NEBL: variants seen among roughly 807,000 people sequenced by gnomAD.
The protein encoded by NEBL is LIM and SH3 protein 2.
A neutral mutation model predicts 140.2 loss-of-function variants in NEBL; 122 were observed. The observed-to-expected ratio is 0.87, with a 90% CI of 0.75 to 1.01. The LOEUF is 1.01. Among genes scored for constraint, NEBL ranks in the 50% least tolerant of loss-of-function variants. NEBL has a pLI of 0.00. For synonymous variants in NEBL, 436 were observed against 398.9 expected (o/e 1.09, Z -1.11); for missense variants, 1,365 against 1,231.3 (o/e 1.11, Z -1.62).
intron 26 of NEBL, among the ~76,000 whole-genome samples, chr10:20,792,735 G>A (rs943971202): frequency 5.9e-5 from 9 of 152,008 alleles, no homozygotes; most frequent in African/African-American, 2.2e-4. Context: ...GTGAAGAGGA[G>A]GTTGCAGTGA....
At chr10:20,894,796 G>A (rs1355676931) in intron 2 of NEBL, among the ~76,000 whole-genome samples, 1 of 150,618 alleles carries the variant, frequency 6.6e-6, no homozygotes, top group Non-Finnish European at 1.5e-5. Context: ...GGGCTTAGTG[G>A]CAGGCGCCTG....
intron 3 of NEBL, among the ~76,000 whole-genome samples, chr10:20,964,937 GC>G (rs1836229231): frequency 6.6e-6 from 1 of 152,138 alleles, no homozygotes; most frequent in Non-Finnish European, 1.5e-5. Flanking sequence ...AACATAACCA[GC>G]CCCCGTGTCC....
chr10:21,142,644 CAG>C (rs1839687523), intron 2 of NEBL, among the ~76,000 whole-genome samples: 1 of 152,138 alleles, frequency 6.6e-6, no homozygotes, highest in African/African-American at 2.4e-5. Flanking sequence ...TGCCTGAAAA[CAG>C]GAGATAGACT....
intron 16 of NEBL, among the ~76,000 whole-genome samples, chr10:20,829,410 G>A (rs1196270353): frequency 6.8e-6 from 1 of 148,044 alleles, no homozygotes; most frequent in East Asian, 2.0e-4. Context: ...CACAGGAAGG[G>A]GAACATCACA....
In NEBL at chr10:20,782,165, A is replaced by C. The variant is rs1272567829; in HGVS notation, c.*3582T>G. 1 of 152,598 alleles carries C rather than the reference A, an allele frequency of 6.6e-6. No individual in the cohort carries two copies. 9.5% of individuals were successfully genotyped at this position (152,598 alleles called of 1,614,324 possible). A position where few individuals can be genotyped will look rare whatever the true frequency, so the allele number is the denominator to read the frequency against. On this transcript the variant is annotated 3_prime_UTR_variant, in exon 28 of 28. Transcript: ENST00000377122. ...CAGCTAACACCTTTAATATCTGAGG[A>C]GCATCCCACTTCCCTACCACAAAAA...
intron 1 of NEBL, among the ~76,000 whole-genome samples, chr10:21,269,369 G>C (rs1011590040): frequency 6.6e-6 from 1 of 152,216 alleles, no homozygotes; most frequent in African/African-American, 2.4e-5. Context: ...GATGAAGGCA[G>C]ATTCGTAGAG....
At chr10:21,070,861 A>T (rs1025138869) in intron 2 of NEBL, among the ~76,000 whole-genome samples, 1 of 152,166 alleles carries the variant, frequency 6.6e-6, no homozygotes, top group African/African-American at 2.4e-5. Context: ...TTTATTGTAC[A>T]CATGAACAAA....
chr10:20,939,845 T>C (rs186015633), intron 4 of NEBL, among the ~76,000 whole-genome samples: 2 of 152,304 alleles, frequency 1.3e-5, no homozygotes, highest in Non-Finnish European at 2.9e-5. Context: ...AGAAGGCCAT[T>C]ACATAATGGT....
chr10:21,063,890 AATAAAT>A (rs71392111), intron 2 of NEBL, among the ~76,000 whole-genome samples: 7 of 148,938 alleles, frequency 4.7e-5, no homozygotes, highest in Non-Finnish European at 8.9e-5. Flanking sequence ...TAAACAAATA[AATAAAT>A]ATAAATATAA....
At chr10:21,030,268 C>T in intron 2 of NEBL, 1 of 614,424 alleles carries the variant, frequency 1.6e-6, no homozygotes, top group East Asian at 4.4e-5. Context: ...GGCACCCAAG[C>T]TGGCGAAGTG....
At chr10:20,902,126 G>A (rs530910673), upstream of NEBL, among the ~76,000 whole-genome samples, 4 of 152,178 alleles carry the variant, frequency 2.6e-5, no homozygotes, top group South Asian at 2.1e-4. Context: ...TAAGGTGGCC[G>A]GGCGCGGTGG....
chr10:21,127,788 T>C (rs924111066), intron 2 of NEBL, among the ~76,000 whole-genome samples: 2 of 152,140 alleles, frequency 1.3e-5, no homozygotes, highest in Non-Finnish European at 2.9e-5. Context: ...AATTTAAAAA[T>C]ATTTAAGAGA....
At chr10:21,028,901 T>C in intron 2 of NEBL, 1 of 432,172 alleles carries the variant, frequency 2.3e-6, no homozygotes, top group Non-Finnish European at 4.1e-6. Context: ...AGCTAAAAGA[T>C]TGATATTGTC....
chr10:20,892,185 C>T (rs193079542), intron 2 of NEBL, among the ~76,000 whole-genome samples: 80 of 152,222 alleles, frequency 5.3e-4, no homozygotes, highest in Non-Finnish European at 1.0e-3. Flanking sequence ...TGATCTAAAC[C>T]AGGCATGGTC....
intron 16 of NEBL, among the ~76,000 whole-genome samples, chr10:20,829,631 G>T (rs1288306502): frequency 6.6e-6 from 1 of 151,894 alleles, no homozygotes; most frequent in African/African-American, 2.4e-5. Flanking sequence ...TATTCATGTT[G>T]AAATGCACCA....
chr10:20,971,765 C>A (rs376853655), intron 3 of NEBL, among the ~76,000 whole-genome samples: 1 of 151,984 alleles, frequency 6.6e-6, no homozygotes, highest in Admixed American at 6.6e-5. Flanking sequence ...AGGCGCCCAC[C>A]ACCACACCCA....
chr10:21,269,961 C>G (rs1288316979), intron 1 of NEBL, among the ~76,000 whole-genome samples: 4 of 152,178 alleles, frequency 2.6e-5, no homozygotes, highest in Admixed American at 1.3e-4. Flanking sequence ...TTGAGGAGTT[C>G]TTTGTTTGTT....
chr10:20,959,574 T>C (rs757378886), intron 4 of NEBL, among the ~76,000 whole-genome samples: 3 of 152,172 alleles, frequency 2.0e-5, no homozygotes, highest in Non-Finnish European at 2.9e-5. Flanking sequence ...AAAAAGTTCA[T>C]GAAGTTGCAG....
chr10:20,940,168 T>A (rs1834772663), intron 4 of NEBL, among the ~76,000 whole-genome samples: 1 of 152,076 alleles, frequency 6.6e-6, no homozygotes, highest in Non-Finnish European at 1.5e-5. Flanking sequence ...ATTCCAAAAT[T>A]GACCACATAG....
Sources: allele counts gnomAD v4.1 joint callset (sites outside exome capture counted in the v4.1 genomes callset), GRCh38; gene constraint gnomAD v4.1.1; transcripts MANE v1.5; gene names NCBI Gene and HGNC (gene_info 2026-07-23, HGNC 2026-07-21).